The following C12orf42 variants were observed in gnomAD, a reference collection of about 807,000 sequenced individuals.
C12orf42 encodes the protein uncharacterized protein C12orf42.
A neutral mutation model predicts 21.6 loss-of-function variants in C12orf42; 25 were observed. That is an observed-to-expected ratio of 1.16 (90% CI 0.84 to 1.62). The LOEUF (loss-of-function observed/expected upper bound fraction) is 1.62. Ranked by LOEUF, C12orf42 falls within the 40% of genes most tolerant of loss-of-function variation. The pLI is 0.00. For missense variants in C12orf42, 483 were observed against 459.3 expected, an observed-to-expected ratio of 1.05 and a Z score of -0.47; for synonymous variants, 174 against 175.0, an observed-to-expected ratio of 0.99 and a Z score of 0.05.
intron 2 of C12orf42, among the ~76,000 whole-genome samples, chr12:103,416,027 T>C (rs1255619194): frequency 2.3e-5 from 2 of 86,016 alleles, no homozygotes; most frequent in Admixed American, 1.7e-4. Flanking sequence ...TTGTCTTTGT[T>C]TAGTGGGTTT....
At chr12:103,463,594 T>G (rs1952888843) in intron 2 of C12orf42, among the ~76,000 whole-genome samples, 1 of 152,068 alleles carries the variant, frequency 6.6e-6, no homozygotes, top group Admixed American at 6.6e-5. Flanking sequence ...TGAGTAAAAT[T>G]TTTTTCTATT....
intron 2 of C12orf42, among the ~76,000 whole-genome samples, chr12:103,442,299 G>T (rs17491172): frequency 0.015 from 2,333 of 152,260 alleles, 22 homozygotes; most frequent in Non-Finnish European, 0.023. Flanking sequence ...GGAGCGATAC[G>T]ATTGATGATC....
chr12:103,563,776 C>G, the C12orf42 span, among the ~76,000 whole-genome samples: 2 of 152,212 alleles, frequency 1.3e-5, no homozygotes, highest in Non-Finnish European at 2.9e-5. Context: ...CAGCAAGAGT[C>G]GGGCAGAGAT....
At chr12:103,068,832 C>T in the C12orf42 span, among the ~76,000 whole-genome samples, 1,725 of 147,596 alleles carry the variant, frequency 0.012, 41 homozygotes, top group African/African-American at 0.041. Context: ...ATTATGGGAC[C>T]TTGTGATCAT....
At chr12:103,283,643 A>G (rs994476311) in intron 4 of C12orf42, among the ~76,000 whole-genome samples, 1 of 151,628 alleles carries the variant, frequency 6.6e-6, no homozygotes, top group Non-Finnish European at 1.5e-5. Context: ...TCCACTTCCC[A>G]TTTCCTTCCT....
At chr12:103,067,582 G>A in the C12orf42 span, among the ~76,000 whole-genome samples, 1 of 152,074 alleles carries the variant, frequency 6.6e-6, no homozygotes, top group Non-Finnish European at 1.5e-5. Context: ...GGAATGAAGG[G>A]GTAGAAGTGG....
At position 103,369,568 on chromosome 12, in the gene C12orf42, G is replaced by A. The variant is rs183482474; in HGVS notation, c.148-570C>T. On this transcript the variant is annotated intron_variant, in intron 3 of 5. Coordinates refer to ENST00000548883, the MANE Select transcript of C12orf42 (RefSeq NM_198521.5). ...CAGCCAGTGTGTGAAAGAATGGAGAGGCAGGGGATAGGGAAGGGGGTCAGA... is the reference window on the plus strand; with the variant it reads ...CAGCCAGTGTGTGAAAGAATGGAGAAGCAGGGGATAGGGAAGGGGGTCAGA... Among the ~76,000 whole-genome samples the A allele has an allele frequency of 5.3e-5, 8 of 151,852 alleles. No individual in the cohort carries two copies. The South Asian group carries it at 1.0e-3, about 20-fold the overall frequency.
chr12:103,409,075 T>C (rs1314507650), intron 2 of C12orf42, among the ~76,000 whole-genome samples: 1 of 152,184 alleles, frequency 6.6e-6, no homozygotes, highest in African/African-American at 2.4e-5. Flanking sequence ...AGAAGACTCA[T>C]TGAATTTTTA....
the C12orf42 span, among the ~76,000 whole-genome samples, chr12:103,190,386 T>A: frequency 2.3e-5 from 3 of 129,604 alleles, no homozygotes; most frequent in African/African-American, 7.7e-5. Context: ...GCCCACTGAG[T>A]CAAATAAGCC....
chr12:103,472,045 C>G (rs887192772), intron 2 of C12orf42: 47 of 119,896 alleles, frequency 3.9e-4, no homozygotes, highest in African/African-American at 1.4e-3. Flanking sequence ...TAATACAACT[C>G]AATTTTTTTT....
chr12:103,349,518 G>A (rs2042928686), intron 4 of C12orf42, among the ~76,000 whole-genome samples: 1 of 152,030 alleles, frequency 6.6e-6, no homozygotes, highest in African/African-American at 2.4e-5. Flanking sequence ...AGTTCACTGT[G>A]TTTTAAGTAA....
the C12orf42 span, among the ~76,000 whole-genome samples, chr12:103,513,522 T>A: frequency 6.6e-6 from 1 of 152,110 alleles, no homozygotes; most frequent in East Asian, 1.9e-4. Flanking sequence ...AAGTCCTGAT[T>A]AATACAACCA....
the C12orf42 span, among the ~76,000 whole-genome samples, chr12:103,187,853 T>C: frequency 6.6e-6 from 1 of 152,202 alleles, no homozygotes; most frequent in South Asian, 2.1e-4. Flanking sequence ...ACATAACTTA[T>C]CATTTATTTG....
At chr12:103,221,122 ATAT>A in the C12orf42 span, among the ~76,000 whole-genome samples, 1 of 152,232 alleles carries the variant, frequency 6.6e-6, no homozygotes, top group African/African-American at 2.4e-5. Context: ...GTCCAAAGCC[ATAT>A]ACATGTTTGA....
intron 2 of C12orf42, among the ~76,000 whole-genome samples, chr12:103,471,278 A>C (rs1245253715): frequency 1.3e-5 from 2 of 152,200 alleles, no homozygotes; most frequent in Non-Finnish European, 2.9e-5. Context: ...CCTAGAACAC[A>C]TGAAAGGACC....
the C12orf42 span, among the ~76,000 whole-genome samples, chr12:103,104,253 G>C: frequency 6.6e-6 from 1 of 152,100 alleles, no homozygotes; most frequent in Non-Finnish European, 1.5e-5. Context: ...TACACGTATT[G>C]ATGAAATATA....
chr12:103,185,101 A>G, the C12orf42 span, among the ~76,000 whole-genome samples: 2 of 152,136 alleles, frequency 1.3e-5, no homozygotes, highest in African/African-American at 4.8e-5. Context: ...TACAGTAACT[A>G]AGGGTATGGG....
At chr12:103,376,392 A>T (rs1285704832) in intron 3 of C12orf42, among the ~76,000 whole-genome samples, 3 of 150,916 alleles carry the variant, frequency 2.0e-5, no homozygotes, top group Non-Finnish European at 4.4e-5. Context: ...AACATCACAC[A>T]CCAGGGCCTG....
the C12orf42 span, among the ~76,000 whole-genome samples, chr12:103,520,588 G>T: frequency 5.3e-5 from 8 of 152,034 alleles, no homozygotes; most frequent in Non-Finnish European, 1.0e-4. Context: ...GGGGATTGAG[G>T]AAGGAGTATA....
Sources: gnomAD v4.1 joint callset for allele counts (sites outside exome capture counted in the v4.1 genomes callset) on GRCh38, gnomAD v4.1.1 for gene constraint, MANE v1.5 for transcripts, NCBI Gene and HGNC (gene_info 2026-07-23, HGNC 2026-07-21) for gene names.